ANKRD42: variants seen among roughly 807,000 people sequenced by gnomAD.
ANKRD42 encodes the protein ankyrin repeat domain-containing protein 42.
ANKRD42 carries 43 observed loss-of-function variants against 51.5 expected under a neutral mutation model. That is an observed-to-expected ratio of 0.83 (90% CI 0.65 to 1.08). The LOEUF is 1.08. ANKRD42 is among the 50% of genes least tolerant of loss of function. ANKRD42 has a pLI of 0.00. For synonymous variants in ANKRD42, 203 were observed against 213.0 expected (o/e 0.95, Z 0.41); for missense variants, 608 against 629.3 (o/e 0.97, Z 0.36).
chr11:83,214,617 G>C (rs1467154521), intron 5 of ANKRD42: 1 of 901,810 alleles, frequency 1.1e-6, no homozygotes, highest in African/African-American at 1.8e-5. Context: ...CATATTTTTG[G>C]TGTACATGTG....
At chr11:83,261,781 C>G (rs1001583166), downstream of ANKRD42, 1 of 631,044 alleles carries the variant, frequency 1.6e-6, no homozygotes, top group Admixed American at 2.8e-5. Context: ...AACACTTCCT[C>G]TTTTAGTCCG....
intron 7 of ANKRD42, among the ~76,000 whole-genome samples, chr11:83,234,464 A>T (rs1351579928): frequency 6.6e-6 from 1 of 152,214 alleles, no homozygotes; most frequent in East Asian, 1.9e-4. Context: ...TAACAACTAT[A>T]TAATTTTTCT....
rs780452440 is a variant in ANKRD42, at chr11:83,216,070, C to T, written c.586+4640C>T. On this transcript the variant is annotated intron_variant, in intron 5 of 10. Transcript: ENST00000533342. ...TCGGCCACCCAAAGTGCTGGGATTA[C>T]AGGCGTAAGCCACTGTGCCTCACCT... is the stretch of plus-strand genomic sequence containing the variant. Among the ~76,000 whole-genome samples the T allele has an allele frequency of 2.6e-5, 4 of 152,244 alleles. No homozygotes were observed. The South Asian group carries it at 6.2e-4, about 24-fold the overall frequency.
At chr11:83,245,206 A>G (rs563110942) in intron 9 of ANKRD42, among the ~76,000 whole-genome samples, 15 of 152,344 alleles carry the variant, frequency 9.8e-5, no homozygotes, top group Admixed American at 7.2e-4. Context: ...CCTGGTCAAT[A>G]CTGCTAGTCT....
chr11:83,262,852 G>C (rs1864008428), downstream of ANKRD42, among the ~76,000 whole-genome samples: 1 of 152,154 alleles, frequency 6.6e-6, no homozygotes, highest in African/African-American at 2.4e-5. Context: ...ATAACACTAA[G>C]AGTTTCTTGT....
chr11:83,197,434 T>G (rs1380225565), intron 1 of ANKRD42, among the ~76,000 whole-genome samples: 1 of 152,208 alleles, frequency 6.6e-6, no homozygotes. Flanking sequence ...TTAGAGTATA[T>G]AAAAAGATGT....
Position 83,208,756 on chromosome 11 carries a change from A to G in ANKRD42, c.331-1544A>G, listed in dbSNP as rs145342182. Among the ~76,000 whole-genome samples, 294 of 152,330 alleles carry G rather than the reference A, an allele frequency of 1.9e-3. 6 individuals are homozygous for G. The highest frequency in any genetic ancestry group is 0.018 in the Admixed American group (270 of 15,308). On this transcript the variant is annotated intron_variant, in intron 3 of 10. Coordinates refer to ENST00000533342, the MANE Select transcript of ANKRD42 (RefSeq NM_001300975.2). ...GGAAAGATGTTGAGTTCAATTTGGCATACGTTGAGTTTAATGTGTCTGTAG... is the reference window on the plus strand; with the variant it reads ...GGAAAGATGTTGAGTTCAATTTGGCGTACGTTGAGTTTAATGTGTCTGTAG...
At chr11:83,226,723 A>C (rs1443167030) in intron 6 of ANKRD42, among the ~76,000 whole-genome samples, 2 of 152,138 alleles carry the variant, frequency 1.3e-5, no homozygotes, top group African/African-American at 4.8e-5. Context: ...CTGAGGTGGG[A>C]GGATTGCTTG....
chr11:83,204,551 G>T (rs748872513), intron 2 of ANKRD42, among the ~76,000 whole-genome samples: 1 of 151,930 alleles, frequency 6.6e-6, no homozygotes, highest in Non-Finnish European at 1.5e-5. Context: ...TGGGAGATGG[G>T]TTCAATAGAA....
chr11:83,207,176 C>G (rs148666766), intron 3 of ANKRD42, among the ~76,000 whole-genome samples: 1 of 152,114 alleles, frequency 6.6e-6, no homozygotes, highest in African/African-American at 2.4e-5. Flanking sequence ...CATCAGATCT[C>G]GTGAGAACTC....
Position 83,198,513 on chromosome 11 carries a change from T to C in ANKRD42, c.93T>C (p.His31=), listed in dbSNP as rs1176299675. Residue 31 remains histidine (H), a synonymous_variant, in exon 2 of 11, where the codon CAT becomes CAC. Transcript: ENST00000533342. Reference sequence around the variant, plus strand: ...AGAAGGTGCATTTTGGCAGCATACATGATGCAGTACGAGCTGGAGATGTAA... The same window carrying C: ...AGAAGGTGCATTTTGGCAGCATACACGATGCAGTACGAGCTGGAGATGTAA... ...SRKKVHFGSI[H]DAVRAGDVKQ... 1.2e-6 allele frequency: 2 copies of C among 1,613,698 alleles called. No homozygotes were observed. The highest frequency in any genetic ancestry group is 2.7e-5 in the African/African-American group (2 of 74,908).
intron 5 of ANKRD42, among the ~76,000 whole-genome samples, chr11:83,221,210 T>C (rs898573532): frequency 1.3e-4 from 20 of 152,350 alleles, no homozygotes; most frequent in African/African-American, 4.8e-4. Context: ...AATATGTTTC[T>C]CAATTTTAAG....
At chr11:83,232,914 A>G (rs1410299567) in intron 7 of ANKRD42, among the ~76,000 whole-genome samples, 1 of 152,226 alleles carries the variant, frequency 6.6e-6, no homozygotes, top group Non-Finnish European at 1.5e-5. Flanking sequence ...TCATCGGTGT[A>G]TCGCAGAGGT....
chr11:83,207,282 A>G (rs1044855381), intron 3 of ANKRD42, among the ~76,000 whole-genome samples: 2 of 152,224 alleles, frequency 1.3e-5, no homozygotes, highest in African/African-American at 2.4e-5. Flanking sequence ...TATGGGAACT[A>G]CAATTCAAAT....
Position 83,193,849 on chromosome 11 carries a change from G to C in ANKRD42, c.-822G>C, listed in dbSNP as rs1044827339. The C allele has an allele frequency of 6.6e-6, 3 of 455,124 alleles. No individual in the cohort carries two copies. The highest frequency in any genetic ancestry group is 4.7e-5 in the Admixed American group (2 of 42,438). The allele number at this position is 455,124 out of a possible 1,614,324, so 28.2% of individuals were successfully genotyped here. ...TTCGCAGGGAGTAGCAGACGAAGAC[G>C]GTGGCCGCCGCACTAGCCACCACGT... On this transcript the variant is annotated 5_prime_UTR_variant, in exon 1 of 11. Coordinates refer to ENST00000533342, the MANE Select transcript of ANKRD42 (RefSeq NM_001300975.2).
chr11:83,216,425 C>G (rs1040598705), intron 5 of ANKRD42, among the ~76,000 whole-genome samples: 1 of 151,868 alleles, frequency 6.6e-6, no homozygotes, highest in Non-Finnish European at 1.5e-5. Flanking sequence ...CTGGGGTTCA[C>G]GCCATTCTCC....
At chr11:83,252,065 G>A (rs1863684637), downstream of ANKRD42, among the ~76,000 whole-genome samples, 1 of 152,114 alleles carries the variant, frequency 6.6e-6, no homozygotes, top group African/African-American at 2.4e-5. Flanking sequence ...ATAAATCAAC[G>A]TGAAAAAGAC....
chr11:83,247,549 A>C (rs1041277854), intron 10 of ANKRD42, among the ~76,000 whole-genome samples: 2 of 152,148 alleles, frequency 1.3e-5, no homozygotes, highest in Non-Finnish European at 2.9e-5. Flanking sequence ...CCCCCTTCTC[A>C]ATAAAGCCTT....
chr11:83,212,375 C>T (rs1365391793), intron 5 of ANKRD42, among the ~76,000 whole-genome samples: 1 of 152,200 alleles, frequency 6.6e-6, no homozygotes, highest in Non-Finnish European at 1.5e-5. Flanking sequence ...GCCACCATGC[C>T]TGGCCCAACT....
Sources: gnomAD v4.1 joint callset for allele counts (sites outside exome capture counted in the v4.1 genomes callset) on GRCh38, gnomAD v4.1.1 for gene constraint, MANE v1.5 for transcripts, NCBI Gene and HGNC (gene_info 2026-07-23, HGNC 2026-07-21) for gene names.